Variants in FAXC observed in about 807,000 individuals in gnomAD.
The protein encoded by FAXC is failed axon connections homolog, metaxin like GST domain containing.
A neutral mutation model predicts 41.9 loss-of-function variants in FAXC; 10 were observed. The ratio of observed to expected loss-of-function variants is 0.24; its 90% CI spans 0.15 to 0.41. The LOEUF is 0.41. FAXC is among the 10% of genes least tolerant of loss of function. The pLI, the probability that FAXC is intolerant of heterozygous loss-of-function variation, is 1.00. For synonymous variants in FAXC, 183 were observed against 183.8 expected, an observed-to-expected ratio of 1.00 and a Z score of 0.03; for missense variants, 399 against 510.9, an observed-to-expected ratio of 0.78 and a Z score of 2.11.
At chr6:99,299,294 C>T (rs1412761294) in intron 4 of FAXC, among the ~76,000 whole-genome samples, 1 of 152,128 alleles carries the variant, frequency 6.6e-6, no homozygotes, top group South Asian at 2.1e-4. Context: ...CTGTCAGCTC[C>T]ACTTCCACAA....
intron 4 of FAXC, among the ~76,000 whole-genome samples, chr6:99,314,568 G>C (rs532784696): frequency 6.6e-4 from 101 of 151,946 alleles, no homozygotes; most frequent in African/African-American, 2.2e-3. Flanking sequence ...CTTCTTCCCT[G>C]GGCCACCAAA....
intron 4 of FAXC, among the ~76,000 whole-genome samples, chr6:99,312,453 TAG>T (rs1204618402): frequency 6.6e-6 from 1 of 152,158 alleles, no homozygotes; most frequent in African/African-American, 2.4e-5. Context: ...CACTCATTCA[TAG>T]AGAGACATGC....
intron 4 of FAXC, among the ~76,000 whole-genome samples, chr6:99,305,290 G>A (rs1359000724): frequency 6.6e-6 from 1 of 152,156 alleles, no homozygotes; most frequent in African/African-American, 2.4e-5. Context: ...TAGACATGAG[G>A]TGTTTCTACC....
In FAXC at chr6:99,315,025, G is replaced by T. The variant is rs2006308; in HGVS notation, c.823+8419C>A. ...GAGGCAGGTGGATCACCTGAGGTCA[G>T]GAGTTCAAGACCAGCCTGGCCAACA... is the stretch of plus-strand genomic sequence containing the variant. On this transcript the variant is annotated intron_variant, in intron 4 of 5. Coordinates refer to ENST00000389677, the MANE Select transcript of FAXC (RefSeq NM_032511.4). Among the ~76,000 whole-genome samples the T allele has an allele frequency of 2.0e-5, 3 of 151,778 alleles. No homozygotes were observed. In the South Asian group the frequency reaches 6.2e-4, roughly 32 times the overall value.
chr6:99,342,088 C>T (rs1773448096), intron 2 of FAXC, among the ~76,000 whole-genome samples: 1 of 152,178 alleles, frequency 6.6e-6, no homozygotes, highest in Non-Finnish European at 1.5e-5. Flanking sequence ...CACTCCTCTT[C>T]CTTATTTACT....
chr6:99,308,412 C>T (rs1026742409), intron 4 of FAXC, among the ~76,000 whole-genome samples: 2 of 152,176 alleles, frequency 1.3e-5, no homozygotes, highest in African/African-American at 4.8e-5. Context: ...GGTAAGACCA[C>T]GTGGCATTGA....
chr6:99,287,900 G>C (rs1771083856), intron 5 of FAXC, among the ~76,000 whole-genome samples: 1 of 152,160 alleles, frequency 6.6e-6, no homozygotes, highest in Admixed American at 6.6e-5. Context: ...ATGGGATTTA[G>C]AGATCCCTGT....
At chr6:99,290,252 C>T (rs951872489) in intron 5 of FAXC, among the ~76,000 whole-genome samples, 9 of 152,128 alleles carry the variant, frequency 5.9e-5, no homozygotes, top group African/African-American at 2.2e-4. Context: ...CCACCCCACA[C>T]ATATATGTTC....
intron 2 of FAXC, among the ~76,000 whole-genome samples, chr6:99,339,292 T>C (rs935714457): frequency 2.6e-4 from 40 of 152,132 alleles, no homozygotes; most frequent in Admixed American, 2.6e-3. Context: ...CAGGAGCCAT[T>C]TGGGGGAATG....
chr6:99,298,785 A>G (rs897249728), intron 4 of FAXC, among the ~76,000 whole-genome samples: 8 of 152,184 alleles, frequency 5.3e-5, no homozygotes, highest in African/African-American at 1.9e-4. Flanking sequence ...TTTGCAAGCT[A>G]GGAGGTGCTA....
chr6:99,280,624 T>A lies in FAXC; in HGVS notation c.*540A>T, dbSNP rs1165867283. The stretch of plus-strand genomic sequence containing the variant: ...GGGCTTAGAATAAAATGTATACTGA[T>A]TAGCACCTAGCACAGTGCTTTGCAC... On this transcript the variant is annotated 3_prime_UTR_variant, in exon 6 of 6. Coordinates refer to ENST00000389677, the MANE Select transcript of FAXC (RefSeq NM_032511.4). 3.8e-5 allele frequency: 6 copies of A among 155,854 alleles called. No homozygotes were observed. Among genetic ancestry groups the A allele is most frequent in the Admixed American group, 1.2e-4 (2 of 16,048 alleles). 9.7% of individuals were successfully genotyped at this position (155,854 alleles called of 1,614,324 possible).
rs1445293695 is a variant in FAXC, at chr6:99,271,357, T to C, written c.*9807A>G. 2 of 152,198 alleles carry C rather than the reference T, an allele frequency of 1.3e-5. No homozygotes were observed. The highest frequency in any genetic ancestry group is 4.8e-5 in the African/African-American group (2 of 41,440). The allele number at this position is 152,198 out of a possible 1,614,324, so 9.4% of individuals were successfully genotyped here. A position where few individuals can be genotyped will look rare whatever the true frequency, so the allele number is the denominator to read the frequency against. On this transcript the variant is annotated 3_prime_UTR_variant, in exon 6 of 6. Coordinates refer to ENST00000389677, the MANE Select transcript of FAXC (RefSeq NM_032511.4). ...CAACTGACGTTGAAGTAGATGTAGATCTATTTCAAAGTATTTCTGACTAGG... is the reference window on the plus strand; with the variant it reads ...CAACTGACGTTGAAGTAGATGTAGACCTATTTCAAAGTATTTCTGACTAGG...
intron 5 of FAXC, among the ~76,000 whole-genome samples, chr6:99,282,598 TG>T (rs1250727330): frequency 2.6e-5 from 4 of 152,210 alleles, no homozygotes; most frequent in Non-Finnish European, 2.9e-5. Flanking sequence ...CCACTCTACC[TG>T]GCCTTCATTT....
intron 4 of FAXC, among the ~76,000 whole-genome samples, chr6:99,309,359 T>C (rs1772067444): frequency 6.6e-6 from 1 of 152,206 alleles, no homozygotes; most frequent in Non-Finnish European, 1.5e-5. Flanking sequence ...CCTGTCAGAA[T>C]TGTAGCAATC....
intron 4 of FAXC, among the ~76,000 whole-genome samples, chr6:99,319,633 C>G (rs1772520027): frequency 6.6e-6 from 1 of 152,132 alleles, no homozygotes; most frequent in Non-Finnish European, 1.5e-5. Context: ...GAGGCTTGCC[C>G]AAGGCCTTAG....
intron 4 of FAXC, among the ~76,000 whole-genome samples, chr6:99,293,753 C>A (rs772262987): frequency 2.0e-5 from 3 of 146,468 alleles, no homozygotes; most frequent in Non-Finnish European, 4.5e-5. Context: ...ATCTTTCCAG[C>A]TAAATTGTTA....
At chr6:99,281,514 G>T in intron 5 of FAXC, 61 bp from the exon 6 acceptor site, 1 of 1,304,306 alleles carries the variant, frequency 7.7e-7, no homozygotes, top group Non-Finnish European at 1.1e-6. Flanking sequence ...CCACTTCTAT[G>T]GTCTGTGTTG....
intron 3 of FAXC, among the ~76,000 whole-genome samples, chr6:99,332,875 C>A (rs1385821502): frequency 6.6e-6 from 1 of 152,156 alleles, no homozygotes; most frequent in African/African-American, 2.4e-5. Flanking sequence ...TCTTCCTCAA[C>A]TCAGTGAGTT....
At chr6:99,345,627 G>C (rs1773564179) in intron 1 of FAXC, among the ~76,000 whole-genome samples, 2 of 152,146 alleles carry the variant, frequency 1.3e-5, no homozygotes, top group Admixed American at 1.3e-4. Flanking sequence ...TACTATTCCC[G>C]GGGCTAACGA....
Sources: gnomAD v4.1 joint callset for allele counts (sites outside exome capture counted in the v4.1 genomes callset) on GRCh38, gnomAD v4.1.1 for gene constraint, MANE v1.5 for transcripts, NCBI Gene and HGNC (gene_info 2026-07-23, HGNC 2026-07-21) for gene names.